Variants in PAK2 observed in about 807,000 individuals in gnomAD.
The protein encoded by PAK2 is p21 (RAC1) activated kinase 2.
A neutral mutation model predicts 65.9 loss-of-function variants in PAK2; 21 were observed. The observed-to-expected ratio is 0.32, with a 90% CI of 0.23 to 0.46. The LOEUF is 0.46. Among genes scored for constraint, PAK2 ranks in the 20% least tolerant of loss-of-function variants. The pLI is 1.00. For synonymous variants in PAK2, 204 were observed against 219.7 expected, an observed-to-expected ratio of 0.93 and a Z score of 0.63; for missense variants, 324 against 642.6, an observed-to-expected ratio of 0.50 and a Z score of 5.36.
At chr3:196,746,993 TG>T (rs964668126) in intron 1 of PAK2, among the ~76,000 whole-genome samples, 1 of 152,134 alleles carries the variant, frequency 6.6e-6, no homozygotes, top group African/African-American at 2.4e-5. Flanking sequence ...TTAAGATCTG[TG>T]GTATTCATTT....
chr3:196,805,404 C>T, intron 5 of PAK2, 21 bp downstream of exon 5: 1 of 1,165,746 alleles, frequency 8.6e-7, no homozygotes, highest in Non-Finnish European at 1.2e-6. Context: ...TATATTATTT[C>T]TTGTATCTCT....
intron 12 of PAK2, among the ~76,000 whole-genome samples, chr3:196,819,628 A>G (rs1711587727): frequency 1.3e-5 from 2 of 152,166 alleles, no homozygotes. Flanking sequence ...CTAAATTTTA[A>G]CAGTAGTCAC....
chr3:196,756,838 A>AAAAG (rs564830931), intron 1 of PAK2, among the ~76,000 whole-genome samples: 2 of 152,230 alleles, frequency 1.3e-5, no homozygotes, highest in East Asian at 1.9e-4. Flanking sequence ...TCCATCTCAA[A>AAAAG]AAAGAAAGAA....
At chr3:196,813,269 T>A (rs905130914) in intron 10 of PAK2, among the ~76,000 whole-genome samples, 2 of 151,996 alleles carry the variant, frequency 1.3e-5, no homozygotes, top group Non-Finnish European at 2.9e-5. Flanking sequence ...GAATTAATGT[T>A]AAATAACAGA....
chr3:196,803,975 A>T lies in PAK2; in HGVS notation c.436+811A>T, dbSNP rs73891514. ...TGATACATCTCTTGAATCTCTTTTG[A>T]TCTTTAGGCTTCCCCTCCCACACAC... On this transcript the variant is annotated intron_variant, in intron 4 of 14. Coordinates refer to ENST00000327134, the MANE Select transcript of PAK2 (RefSeq NM_002577.4). Among the ~76,000 whole-genome samples the T allele has an allele frequency of 1.9e-3, 291 of 152,270 alleles. 1 individual carries two copies. The highest frequency in any genetic ancestry group is 6.6e-3 in the African/African-American group (273 of 41,562).
At chr3:196,797,914 G>T (rs914515671) in intron 2 of PAK2, among the ~76,000 whole-genome samples, 2 of 152,090 alleles carry the variant, frequency 1.3e-5, no homozygotes, top group Non-Finnish European at 2.9e-5. Flanking sequence ...ATATTAAGCC[G>T]AATGAAAATT....
At chr3:196,775,758 A>G (rs1714517461) in intron 1 of PAK2, among the ~76,000 whole-genome samples, 1 of 152,178 alleles carries the variant, frequency 6.6e-6, no homozygotes, top group Non-Finnish European at 1.5e-5. Flanking sequence ...GCTTCTCATG[A>G]ATGAAAATGT....
At chr3:196,801,456 G>A (rs1715419888) in intron 2 of PAK2, among the ~76,000 whole-genome samples, 1 of 152,090 alleles carries the variant, frequency 6.6e-6, no homozygotes, top group Admixed American at 6.5e-5. Context: ...TTTCCTATCA[G>A]CCAGTTTTTA....
chr3:196,828,364 C>T lies in PAK2; in HGVS notation c.1534C>T (p.Leu512=). The T allele has an allele frequency of 6.2e-7, 1 of 1,611,272 alleles. No homozygotes were observed. Among genetic ancestry groups the T allele is most frequent in the Non-Finnish European group, 8.5e-7 (1 of 1,177,978 alleles). The part of the protein sequence containing the change: ...LAKPLSSLTP[L]IMAAKEAMKS... ...CAAACCGTTATCTAGCTTGACACCA[C>T]TGATCATGGCAGCTAAAGAAGCAAT... The change falls in exon 15 of 15, where the codon CTG becomes TTG. Residue 512 remains leucine, a synonymous_variant. Transcript: ENST00000327134.
At chr3:196,815,489 CAAAAA>C (rs796383290) in intron 11 of PAK2, among the ~76,000 whole-genome samples, 1 of 96,220 alleles carries the variant, frequency 1.0e-5, no homozygotes, top group Non-Finnish European at 2.2e-5. Flanking sequence ...AAGATTGTCT[CAAAAA>C]AAAAAAAAAA....
intron 1 of PAK2, among the ~76,000 whole-genome samples, chr3:196,763,069 C>CA (rs1714039664): frequency 6.6e-6 from 1 of 152,146 alleles, no homozygotes; most frequent in Admixed American, 6.5e-5. Flanking sequence ...ATAGACCCCC[C>CA]ACCCCCTGCC....
chr3:196,811,208 T>A lies in PAK2; in HGVS notation c.773+555T>A, dbSNP rs13075723. Among the ~76,000 whole-genome samples, 2 of 10,032 alleles carry A rather than the reference T, an allele frequency of 2.0e-4. 1 individual carries two copies. The highest frequency in any genetic ancestry group is 3.9e-4 in the Non-Finnish European group (2 of 5,116). The allele number at this position is 10,032 out of a possible 152,430, so 6.6% of individuals were successfully genotyped here. ...CCATATGAATTCCTTCCTCCCTTCC[T>A]TCCCTTCCCTCCCTCCCTTCCCTTC... On this transcript the variant is annotated intron_variant, in intron 8 of 14. Transcript: ENST00000327134.
intron 2 of PAK2, among the ~76,000 whole-genome samples, chr3:196,797,520 G>T (rs775119726): frequency 1.3e-5 from 2 of 151,842 alleles, no homozygotes; most frequent in African/African-American, 4.8e-5. Flanking sequence ...TTGCGAGGCC[G>T]AAGTGGGTGG....
At chr3:196,790,743 C>T (rs866540872) in intron 2 of PAK2, among the ~76,000 whole-genome samples, 11 of 152,174 alleles carry the variant, frequency 7.2e-5, no homozygotes, top group East Asian at 1.9e-4. Flanking sequence ...TTGCAACCAT[C>T]GGCCTCAACT....
intron 2 of PAK2, among the ~76,000 whole-genome samples, chr3:196,796,550 GA>G (rs1450255470): frequency 1.3e-5 from 2 of 152,166 alleles, no homozygotes; most frequent in Non-Finnish European, 2.9e-5. Context: ...AAAACCCATT[GA>G]AGTGTACAAT....
intron 2 of PAK2, among the ~76,000 whole-genome samples, chr3:196,796,373 C>A (rs1205826983): frequency 6.6e-6 from 1 of 152,084 alleles, no homozygotes. Flanking sequence ...ATGAGCAGAA[C>A]AGGCAAAAGC....
Position 196,802,867 on chromosome 3 carries a change from T to C in PAK2, c.289-150T>C, listed in dbSNP as rs192566480. On this transcript the variant is annotated intron_variant, in intron 3 of 14. Transcript: ENST00000327134. ...TCTCAAAAAAAGAAAAAAGAAAAAATAGACCTTTAGAAAATGAGATCTTTT... is the reference window on the plus strand; with the variant it reads ...TCTCAAAAAAAGAAAAAAGAAAAAACAGACCTTTAGAAAATGAGATCTTTT... 852 of 509,132 alleles carry C rather than the reference T, an allele frequency of 1.7e-3. 2 individuals are homozygous for C. Among genetic ancestry groups the C allele is most frequent in the African/African-American group, 0.015 (751 of 49,682 alleles). The allele number at this position is 509,132 out of a possible 1,614,324, so 31.5% of individuals were successfully genotyped here.
At position 196,789,887 on chromosome 3, in the gene PAK2, G is replaced by A. The variant is rs537885969; in HGVS notation, c.187+7054G>A. On this transcript the variant is annotated intron_variant, in intron 2 of 14. Transcript: ENST00000327134. ...TGTGCAGCCTAGATCCCTCTCATGC[G>A]CAGTTCACAATAGGGTTTGCGCTCC... Among the ~76,000 whole-genome samples, 26 of 152,268 alleles carry A rather than the reference G, an allele frequency of 1.7e-4. No individual in the cohort carries two copies. The East Asian group carries it at 1.9e-3, about 11-fold the overall frequency.
At chr3:196,773,878 AAAC>A (rs1274119786) in intron 1 of PAK2, among the ~76,000 whole-genome samples, 1 of 151,714 alleles carries the variant, frequency 6.6e-6, no homozygotes, top group Non-Finnish European at 1.5e-5. Context: ...AAGCAAAACA[AAAC>A]AACAAATTCA....
Sources: allele counts gnomAD v4.1 joint callset (sites outside exome capture counted in the v4.1 genomes callset), GRCh38; gene constraint gnomAD v4.1.1; transcripts MANE v1.5; gene names NCBI Gene and HGNC (gene_info 2026-07-23, HGNC 2026-07-21).